The following MGAM2 variants were observed in gnomAD, a reference collection of about 807,000 sequenced individuals.
MGAM2 encodes probable maltase-glucoamylase 2.
In MGAM2, 98 loss-of-function variants were observed where a neutral mutation model predicts 96.1. The ratio of observed to expected loss-of-function variants is 1.02; its 90% CI spans 0.87 to 1.21. MGAM2 has a LOEUF of 1.21. Ranked by LOEUF, MGAM2 falls within the 50% of genes most tolerant of loss-of-function variation. MGAM2 has a pLI of 0.00. For synonymous variants in MGAM2, 749 were observed against 414.8 expected (o/e 1.81, Z -9.79); for missense variants, 2,055 against 1,182.4 (o/e 1.74, Z -10.82).
chr7:142,144,689 A>G (rs889370963), intron 13 of MGAM2, among the ~76,000 whole-genome samples, 172 bp from the exon 14 acceptor site: 6 of 152,192 alleles, frequency 3.9e-5, no homozygotes, highest in African/African-American at 1.4e-4. Flanking sequence ...CCAATGACTC[A>G]ATTTTATAAA....
At position 142,220,461 on chromosome 7, in the gene MGAM2, T is replaced by G. The variant is rs1207845475; in HGVS notation, c.5950T>G (p.Phe1984Val). Reference protein sequence around the residue: ...NATIPITTTPFATSTISVTTS... With the variant: ...NATIPITTTPVATSTISVTTS... ...TACTATTCCTATCACAACCACACCTTTTGCAACAAGTACTATTAGTGTTAC... is the reference window on the plus strand; with the variant it reads ...TACTATTCCTATCACAACCACACCTGTTGCAACAAGTACTATTAGTGTTAC... The change falls in exon 48 of 48, where the codon TTT becomes GTT. Residue 1984 changes from phenylalanine to valine, a missense_variant. Phe to Val is a conservative substitution (Grantham distance 50). Transcript: ENST00000477922. 2 of 702,422 alleles carry G rather than the reference T, an allele frequency of 2.8e-6. No individual in the cohort carries two copies. Among genetic ancestry groups the G allele is most frequent in the Admixed American group, 4.0e-5 (2 of 49,936 alleles). 43.5% of individuals were successfully genotyped at this position (702,422 alleles called of 1,614,324 possible). A position where few individuals can be genotyped will look rare whatever the true frequency, so the allele number is the denominator to read the frequency against.
At chr7:142,173,708 C>G (rs1257294466) in intron 31 of MGAM2, among the ~76,000 whole-genome samples, 1 of 152,130 alleles carries the variant, frequency 6.6e-6, no homozygotes, top group Admixed American at 6.6e-5. Flanking sequence ...TAAAAAGAAG[C>G]AAGTTCTTTT....
chr7:142,131,519 A>T lies in MGAM2; in HGVS notation c.312A>T (p.Gly104=). The part of the protein sequence containing the change: ...ASNGHTNTST[G]FTAQLKRLPS... Reference sequence around the variant, plus strand: ...CTCTCCATATCTTGCCACCCCTAGGATTTACTGCCCAGTTGAAAAGGTTGC... The same window carrying T: ...CTCTCCATATCTTGCCACCCCTAGGTTTTACTGCCCAGTTGAAAAGGTTGC... Residue 104 remains glycine (G), a splice_region_variant and synonymous_variant, in exon 5 of 48, where the codon GGA becomes GGT. Coordinates refer to ENST00000477922, the MANE Select transcript of MGAM2 (RefSeq NM_001293626.2). The T allele has an allele frequency of 1.4e-6, 1 of 702,808 alleles. No homozygotes were observed. The highest frequency in any genetic ancestry group is 2.6e-6 in the Non-Finnish European group (1 of 384,896). 43.5% of individuals were successfully genotyped at this position (702,808 alleles called of 1,614,324 possible).
At chr7:142,156,085 T>C (rs1795727552) in intron 17 of MGAM2, among the ~76,000 whole-genome samples, 1 of 151,636 alleles carries the variant, frequency 6.6e-6, no homozygotes, top group African/African-American at 2.4e-5. Context: ...GCAGAGGTTG[T>C]GGTGTGCTGG....
chr7:142,133,900 A>G (rs1162835266), intron 6 of MGAM2, 81 bp from the exon 7 acceptor site: 4 of 608,602 alleles, frequency 6.6e-6, no homozygotes, highest in East Asian at 5.8e-5. Flanking sequence ...GTCTAAGTGT[A>G]TGTGGAAAGG....
Position 142,170,073 on chromosome 7 carries a change from A to G in MGAM2, c.3028-2A>G, listed in dbSNP as rs1376957311. 1 of 698,380 alleles carries G rather than the reference A, an allele frequency of 1.4e-6. No individual in the cohort carries two copies. The highest frequency in any genetic ancestry group is 1.8e-5 in the African/African-American group (1 of 56,980). The allele number at this position is 698,380 out of a possible 1,614,324, so 43.3% of individuals were successfully genotyped here. On this transcript the variant is annotated splice_acceptor_variant, in intron 26 of 47. Coordinates refer to ENST00000477922, the MANE Select transcript of MGAM2 (RefSeq NM_001293626.2). LOFTEE classifies it high-confidence loss of function. ...GAAAGTTTTCTTCTCTCTTCTTGCC[A>G]GATCTATGACCCCACTAATAAAAGG...
In MGAM2 at chr7:142,171,605, CATATATATATATAT is replaced by C. The variant is rs34204853; in HGVS notation, c.3351+202_3351+215del. Among the ~76,000 whole-genome samples the C allele has an allele frequency of 3.1e-3, 202 of 64,998 alleles. 2 individuals carry two copies. Among genetic ancestry groups the C allele is most frequent in the Non-Finnish European group, 4.5e-3 (128 of 28,486 alleles). 42.6% of individuals were successfully genotyped at this position (64,998 alleles called of 152,430 possible). A position where few individuals can be genotyped will look rare whatever the true frequency, so the allele number is the denominator to read the frequency against. ...GTCACATTCTTTTGTCCCTAAAAGGCATATATATATATATATATATATATATATATATATATATA... is the reference window on the plus strand; with the variant it reads ...GTCACATTCTTTTGTCCCTAAAAGGCATATATATATATATATATATATATA... On this transcript the variant is annotated intron_variant, in intron 28 of 47. Coordinates refer to ENST00000477922, the MANE Select transcript of MGAM2 (RefSeq NM_001293626.2).
intron 45 of MGAM2, among the ~76,000 whole-genome samples, chr7:142,201,087 T>C (rs1369951891): frequency 7.4e-6 from 1 of 134,828 alleles, no homozygotes; most frequent in Non-Finnish European, 1.6e-5. Flanking sequence ...TTTTTCTTTT[T>C]TTTTTTTTTT....
intron 28 of MGAM2, among the ~76,000 whole-genome samples, 181 bp downstream of exon 28, chr7:142,171,621 T>C (rs1796191310): frequency 1.8e-5 from 1 of 55,986 alleles, no homozygotes; most frequent in Non-Finnish European, 3.1e-5. Flanking sequence ...TATATATATA[T>C]ATATATATAT....
intron 7 of MGAM2, among the ~76,000 whole-genome samples, chr7:142,135,723 T>TACACACAC (rs144830276): frequency 0.044 from 6,353 of 145,132 alleles, 321 homozygotes; most frequent in African/African-American, 0.12. Flanking sequence ...CACTTAGAGT[T>TACACACAC]ACACACACAC....
intron 32 of MGAM2, among the ~76,000 whole-genome samples, chr7:142,178,703 A>C (rs1196949195): frequency 6.6e-6 from 1 of 152,044 alleles, no homozygotes; most frequent in African/African-American, 2.4e-5. Flanking sequence ...GGGTAATGTG[A>C]TATCTGTAGT....
intron 1 of MGAM2, among the ~76,000 whole-genome samples, chr7:142,112,658 C>G (rs946116605): frequency 6.6e-6 from 1 of 152,070 alleles, no homozygotes; most frequent in Non-Finnish European, 1.5e-5. Context: ...TATTCAAGTA[C>G]TATTTTAAAA....
chr7:142,156,910 G>T (rs890585246), intron 17 of MGAM2, among the ~76,000 whole-genome samples: 1 of 152,076 alleles, frequency 6.6e-6, no homozygotes, highest in Admixed American at 6.5e-5. Flanking sequence ...GACCATTGAC[G>T]GAAAATTTTC....
intron 32 of MGAM2, among the ~76,000 whole-genome samples, chr7:142,180,739 AT>A (rs1211914163): frequency 1.3e-5 from 2 of 152,152 alleles, no homozygotes; most frequent in Admixed American, 1.3e-4. Context: ...ATTTTTAAAA[AT>A]TATTTTTAAA....
At chr7:142,131,685 G>T in intron 5 of MGAM2, 58 bp downstream of exon 5, 1 of 689,102 alleles carries the variant, frequency 1.5e-6, no homozygotes, top group Non-Finnish European at 2.7e-6. Flanking sequence ...GCTCACATTG[G>T]GCTTGAAGTG....
intron 32 of MGAM2, among the ~76,000 whole-genome samples, chr7:142,180,768 G>C (rs1442645713): frequency 1.3e-5 from 2 of 151,952 alleles, no homozygotes; most frequent in African/African-American, 4.8e-5. Flanking sequence ...TTTCTGACTG[G>C]GTTGTTTAGA....
intron 7 of MGAM2, among the ~76,000 whole-genome samples, 182 bp downstream of exon 7, chr7:142,134,334 T>C (rs1426741615): frequency 6.6e-6 from 1 of 152,166 alleles, no homozygotes; most frequent in African/African-American, 2.4e-5. Flanking sequence ...ATAAAAAAAA[T>C]TAAATTAGAA....
At chr7:142,175,873 G>C (rs908467055) in intron 32 of MGAM2, 93 bp downstream of exon 32, 2 of 645,426 alleles carry the variant, frequency 3.1e-6, no homozygotes, top group African/African-American at 1.8e-5. Context: ...AAGGGTACCA[G>C]AAATGTTCCT....
intron 3 of MGAM2, among the ~76,000 whole-genome samples, chr7:142,124,050 G>A (rs1226651957): frequency 7.3e-6 from 1 of 136,966 alleles, no homozygotes; most frequent in African/African-American, 2.9e-5. Flanking sequence ...TTGGCTCACT[G>A]CAACCTCCAC....
Sources: allele counts gnomAD v4.1 joint callset (sites outside exome capture counted in the v4.1 genomes callset), GRCh38; gene constraint gnomAD v4.1.1; transcripts MANE v1.5; gene names NCBI Gene and HGNC (gene_info 2026-07-23, HGNC 2026-07-21).